Variants in TRIP11 observed in about 807,000 individuals in gnomAD.
TRIP11 encodes the protein thyroid receptor-interacting protein 11.
In TRIP11, 148 loss-of-function variants were observed where a neutral mutation model predicts 223.1. That is an observed-to-expected ratio of 0.66 (90% CI 0.58 to 0.76). The LOEUF (loss-of-function observed/expected upper bound fraction) is 0.76. TRIP11 is among the 30% of genes least tolerant of loss of function. The pLI is 0.00. For missense variants in TRIP11, 2,043 were observed against 2,222.0 expected, an observed-to-expected ratio of 0.92 and a Z score of 1.62; for synonymous variants, 762 against 772.6, an observed-to-expected ratio of 0.99 and a Z score of 0.23.
In TRIP11 at chr14:92,004,377, T is replaced by C; in HGVS notation, c.3599A>G (p.Asn1200Ser). 1.2e-6 allele frequency: 2 copies of C among 1,614,122 alleles called. No homozygotes were observed. Among genetic ancestry groups the C allele is most frequent in the East Asian group, 2.2e-5 (1 of 44,884 alleles). ...SSTGNEAGGVNSNQFEELLQE... is the reference protein window; with the variant it reads ...SSTGNEAGGVSSNQFEELLQE... ...TAGAAGCTCCTCAAATTGATTACTA[T>C]TAACACCTCCAGCCTCATTACCAGT... The change falls in exon 11 of 21, where the codon AAT becomes AGT. Residue 1200 changes from asparagine (N) to serine (S), a missense_variant. Transcript: ENST00000267622.
At chr14:92,032,981 G>A (rs1180743892) in intron 2 of TRIP11, among the ~76,000 whole-genome samples, 1 of 152,064 alleles carries the variant, frequency 6.6e-6, no homozygotes, top group Non-Finnish European at 1.5e-5. Flanking sequence ...AAATAGAGAT[G>A]GGAATATTAA....
intron 6 of TRIP11, among the ~76,000 whole-genome samples, chr14:92,015,096 A>G (rs1303666308): frequency 2.6e-5 from 4 of 151,684 alleles, no homozygotes; most frequent in Non-Finnish European, 4.4e-5. Context: ...TAGAGACGGG[A>G]TTTCGCCATG....
rs1442344466 is a variant in TRIP11 at position 92,004,783 on chromosome 14, C to A, written c.3193G>T (p.Asp1065Tyr). ...GCATGAAGAGCTTGTATCTCCAAAT[C>A]TTTCTGCTGAATAATCTGAGTTAGT... is the stretch of plus-strand genomic sequence containing the variant. Reference protein sequence around the residue: ...GKLTQIIQQKDLEIQALHARI... With the variant: ...GKLTQIIQQKYLEIQALHARI... Residue 1065 changes from aspartate to tyrosine, a missense_variant, in exon 11 of 21, where the codon GAT (aspartate) becomes TAT (tyrosine). Physicochemically the swap from Asp to Tyr is radical, Grantham distance 160. Coordinates refer to ENST00000267622, the MANE Select transcript of TRIP11 (RefSeq NM_004239.4). The A allele has an allele frequency of 6.2e-7, 1 of 1,614,038 alleles. No homozygotes were observed. Among genetic ancestry groups the A allele is most frequent in the Non-Finnish European group, 8.5e-7 (1 of 1,180,032 alleles).
intron 12 of TRIP11, 138 bp from the exon 13 acceptor site, chr14:91,999,571 C>T (rs2056795414): frequency 2.1e-6 from 2 of 957,188 alleles, no homozygotes; most frequent in South Asian, 1.5e-5. Flanking sequence ...TGTATTTATG[C>T]TAGGAAAAAA....
chr14:91,976,141 C>T lies in TRIP11; in HGVS notation c.5309G>A (p.Ser1770Asn), dbSNP rs757901932. The T allele has an allele frequency of 6.2e-7, 1 of 1,612,470 alleles. No individual in the cohort carries two copies. Among genetic ancestry groups the T allele is most frequent in the South Asian group, 1.1e-5 (1 of 91,050 alleles). Residue 1770 changes from serine (S) to asparagine (N), a missense_variant, in exon 17 of 21, where the codon AGC becomes AAC. Coordinates refer to ENST00000267622, the MANE Select transcript of TRIP11 (RefSeq NM_004239.4). Reference sequence around the variant, plus strand: ...TTTTCCTTCTGAGCTGTTTGCTAAGCTCATCAATTTCTTTTGTACATCATC... The same window carrying T: ...TTTTCCTTCTGAGCTGTTTGCTAAGTTCATCAATTTCTTTTGTACATCATC... ...MLDDVQKKLM[S>N]LANSSEGKVD...
At chr14:92,026,728 G>T in intron 2 of TRIP11, 1 of 1,041,226 alleles carries the variant, frequency 9.6e-7, no homozygotes. Context: ...ACAGGAAGAA[G>T]GTGGGGAGGA....
In TRIP11 at chr14:91,969,681, T is replaced by G. The variant is rs1269402077; in HGVS notation, c.5932A>C (p.Lys1978Gln). The change falls in exon 21 of 21, where the codon AAG becomes CAG. Residue 1978 changes from lysine (K) to glutamine (Q), a missense_variant. By Grantham distance (53) the Lys-to-Gln change is moderately conservative. Coordinates refer to ENST00000267622, the MANE Select transcript of TRIP11 (RefSeq NM_004239.4). ...TCTGGCTTGAGAATCATCTATTGCT[T>G]TAAAAGGTCTTTCAGCACAACCCCA... ...SAGVVLKDLL[K>Q]Q is the part of the protein sequence containing the mutation. The G allele has an allele frequency of 1.2e-6, 2 of 1,612,230 alleles. No individual in the cohort carries two copies.
chr14:91,976,296 A>G, intron 16 of TRIP11, 107 bp from the exon 17 acceptor site: 1 of 908,360 alleles, frequency 1.1e-6, no homozygotes, highest in South Asian at 1.4e-5. Flanking sequence ...GAATATATAC[A>G]CTTATTCTAA....
chr14:92,025,220 T>C, intron 3 of TRIP11, 90 bp downstream of exon 3: 1 of 996,910 alleles, frequency 1.0e-6, no homozygotes, highest in Non-Finnish European at 1.5e-6. Context: ...TTTACAGATC[T>C]GAATATACCT....
At chr14:92,009,592 A>G (rs900532905) in intron 9 of TRIP11, among the ~76,000 whole-genome samples, 1 of 151,568 alleles carries the variant, frequency 6.6e-6, no homozygotes, top group African/African-American at 2.4e-5. Flanking sequence ...ATAATATAGT[A>G]ATTTTTAAAA....
rs1033624815 is a variant in TRIP11 at position 91,987,705 on chromosome 14, G to A, written c.5260+579C>T. 2.0e-5 allele frequency among the ~76,000 whole-genome samples: 3 copies of A among 152,144 alleles called. No individual in the cohort carries two copies. In the East Asian group the frequency reaches 5.8e-4, roughly 29 times the overall value. Reference sequence around the variant, plus strand: ...GGATATGCCATCTTTGTCAGCTGTTGGATTCAACAAAGCCCTGTAAGCCAC... The same window carrying A: ...GGATATGCCATCTTTGTCAGCTGTTAGATTCAACAAAGCCCTGTAAGCCAC... On this transcript the variant is annotated intron_variant, in intron 16 of 20. Coordinates refer to ENST00000267622, the MANE Select transcript of TRIP11 (RefSeq NM_004239.4).
At position 91,999,955 on chromosome 14, in the gene TRIP11, A is replaced by C. The variant is rs775619573; in HGVS notation, c.4698+13T>G. On this transcript the variant is annotated intron_variant, in intron 12 of 20. Transcript: ENST00000267622. ...ATTGTTTGATTCATAATTCTTTTAA[A>C]GTGAAAGTATACCTCATTCTGTAGG... 1.2e-6 allele frequency: 2 copies of C among 1,613,866 alleles called. No homozygotes were observed. The highest frequency in any genetic ancestry group is 1.7e-5 in the Admixed American group (1 of 60,024).
intron 16 of TRIP11, among the ~76,000 whole-genome samples, chr14:91,985,718 T>C (rs960150269): frequency 2.6e-5 from 4 of 152,214 alleles, no homozygotes; most frequent in African/African-American, 7.2e-5. Context: ...TTTTTCAAAA[T>C]TGTTTCTCCT....
chr14:92,010,743 T>C (rs1045210496), intron 9 of TRIP11, among the ~76,000 whole-genome samples: 1 of 151,848 alleles, frequency 6.6e-6, no homozygotes, highest in Non-Finnish European at 1.5e-5. Flanking sequence ...GACCTCCACC[T>C]ATCTTTTCTG....
intron 10 of TRIP11, among the ~76,000 whole-genome samples, chr14:92,007,296 T>C (rs2056917425): frequency 6.6e-6 from 1 of 152,200 alleles, no homozygotes; most frequent in Non-Finnish European, 1.5e-5. Flanking sequence ...AGTGCTAGGA[T>C]GACAGGCATG....
At position 92,004,426 on chromosome 14, in the gene TRIP11, A is replaced by C; in HGVS notation, c.3550T>G (p.Leu1184Val). The change falls in exon 11 of 21, where the codon TTG (leucine) becomes GTG (valine). Residue 1184 changes from leucine (L) to valine (V), a missense_variant. Transcript: ENST00000267622. ...DALSQKCQTL[L>V]AVLQTSSTGN... is the part of the protein sequence containing the mutation. ...GTGCTGGATGTTTGTAAAACTGCCA[A>C]TAAAGTCTGACATTTCTGACTTAGT... is the stretch of plus-strand genomic sequence containing the variant. 6.2e-7 allele frequency: 1 copy of C among 1,614,004 alleles called. No individual in the cohort carries two copies. The highest frequency in any genetic ancestry group is 1.7e-5 in the Admixed American group (1 of 60,022).
At chr14:92,011,933 T>C (rs1339052670) in intron 7 of TRIP11, 138 bp from the exon 8 acceptor site, 25 of 709,048 alleles carry the variant, frequency 3.5e-5, no homozygotes, top group Non-Finnish European at 5.1e-5. Context: ...GAGTGAAACA[T>C]ATATTTGTAT....
intron 2 of TRIP11, among the ~76,000 whole-genome samples, chr14:92,026,118 A>T (rs968872592): frequency 1.3e-5 from 2 of 152,218 alleles, no homozygotes; most frequent in African/African-American, 4.8e-5. Flanking sequence ...AACTTTTTTT[A>T]AAAAGAAATC....
intron 12 of TRIP11, 103 bp downstream of exon 12, chr14:91,999,865 T>C: frequency 6.8e-7 from 1 of 1,478,902 alleles, no homozygotes; most frequent in Non-Finnish European, 9.3e-7. Flanking sequence ...ATAAGAAAAA[T>C]CACCTAACAG....
Sources: allele counts gnomAD v4.1 joint callset (sites outside exome capture counted in the v4.1 genomes callset), GRCh38; gene constraint gnomAD v4.1.1; transcripts MANE v1.5; gene names NCBI Gene and HGNC (gene_info 2026-07-23, HGNC 2026-07-21).